UBE3C: variants seen among roughly 807,000 people sequenced by gnomAD.
The protein encoded by UBE3C is ubiquitin-protein ligase E3C.
UBE3C carries 42 observed loss-of-function variants against 129.4 expected under a neutral mutation model. That is an observed-to-expected ratio of 0.32 (90% CI 0.25 to 0.42). The LOEUF (loss-of-function observed/expected upper bound fraction) is 0.42. Among genes scored for constraint, UBE3C ranks in the 10% least tolerant of loss-of-function variants. The pLI is 1.00. For synonymous variants in UBE3C, 510 were observed against 492.4 expected, an observed-to-expected ratio of 1.04 and a Z score of -0.47; for missense variants, 1,049 against 1,319.1, an observed-to-expected ratio of 0.80 and a Z score of 3.17.
chr7:157,248,785 T>C (rs1459708578), intron 19 of UBE3C, among the ~76,000 whole-genome samples: 5 of 152,224 alleles, frequency 3.3e-5, no homozygotes, highest in Non-Finnish European at 7.4e-5. Flanking sequence ...CTCCCACGCA[T>C]GAAGCCTGTT....
At chr7:157,217,139 C>A in intron 14 of UBE3C, 168 bp downstream of exon 14, 1 of 522,962 alleles carries the variant, frequency 1.9e-6, no homozygotes, top group Non-Finnish European at 3.3e-6. Flanking sequence ...CTTAATGGAA[C>A]ATATAGCAGT....
At chr7:157,233,543 A>G (rs753713429) in intron 18 of UBE3C, among the ~76,000 whole-genome samples, 1 of 151,972 alleles carries the variant, frequency 6.6e-6, no homozygotes, top group Admixed American at 6.6e-5. Context: ...ACCTCTCAAA[A>G]GGCTAGAATT....
chr7:157,148,731 CTTTTT>C (rs58138213), intron 1 of UBE3C, among the ~76,000 whole-genome samples: 1 of 131,790 alleles, frequency 7.6e-6, no homozygotes, highest in Non-Finnish European at 1.6e-5. Context: ...CAAATTAGTT[CTTTTT>C]TTTTTTTTTT....
intron 22 of UBE3C, among the ~76,000 whole-genome samples, chr7:157,266,808 C>T (rs748229449): frequency 3.4e-4 from 52 of 152,250 alleles, no homozygotes; most frequent in African/African-American, 6.7e-4. Flanking sequence ...GTGATCATAC[C>T]TCACTAACCT....
intron 1 of UBE3C, among the ~76,000 whole-genome samples, chr7:157,143,731 C>T (rs897245767): frequency 6.6e-6 from 1 of 152,010 alleles, no homozygotes; most frequent in East Asian, 1.9e-4. Context: ...GGGGAGTGGT[C>T]GTTGACTGAA....
intron 4 of UBE3C, among the ~76,000 whole-genome samples, chr7:157,172,589 G>A (rs1168468768): frequency 6.6e-6 from 1 of 152,172 alleles, no homozygotes; most frequent in Non-Finnish European, 1.5e-5. Context: ...TGTAAACCGA[G>A]AACGTGCAGA....
intron 11 of UBE3C, among the ~76,000 whole-genome samples, chr7:157,202,270 C>T (rs6967764): frequency 0.48 from 72,287 of 152,096 alleles, 19,774 homozygotes; most frequent in African/African-American, 0.76. Flanking sequence ...CATATTTTAA[C>T]TGAGTATGTA....
At chr7:157,219,208 G>T (rs1341613876) in intron 14 of UBE3C, among the ~76,000 whole-genome samples, 1 of 152,200 alleles carries the variant, frequency 6.6e-6, no homozygotes, top group African/African-American at 2.4e-5. Flanking sequence ...GTCCCAGAAT[G>T]CAAATAGCTG....
In UBE3C at chr7:157,207,744, G is replaced by A; in HGVS notation, c.1618G>A (p.Glu540Lys). 6.2e-7 allele frequency: 1 copy of A among 1,614,062 alleles called. No homozygotes were observed. Among genetic ancestry groups the A allele is most frequent in the Non-Finnish European group, 8.5e-7 (1 of 1,180,004 alleles). ...ATCATCAATGATGCCTTTTACTTTA[G>A]AAGAGCTGATAATGTTGTCTCGATG... ...RQSSMMPFTL[E>K]ELIMLSRCLR... The change falls in exon 13 of 23, where the codon GAA becomes AAA. Residue 540 changes from glutamate (E) to lysine (K), a missense_variant. Glu to Lys is a moderately conservative substitution (Grantham distance 56). Coordinates refer to ENST00000348165, the MANE Select transcript of UBE3C (RefSeq NM_014671.3).
intron 10 of UBE3C, among the ~76,000 whole-genome samples, chr7:157,195,204 G>A (rs931139340): frequency 6.6e-6 from 1 of 152,174 alleles, no homozygotes; most frequent in African/African-American, 2.4e-5. Context: ...ATTAGAGACG[G>A]GATTTTCCAG....
chr7:157,239,550 G>A (rs1796242845), intron 18 of UBE3C, among the ~76,000 whole-genome samples: 1 of 152,156 alleles, frequency 6.6e-6, no homozygotes, highest in African/African-American at 2.4e-5. Context: ...TGGAACCACA[G>A]GCTTGTGATT....
rs149796654 is a variant in UBE3C at position 157,209,411 on chromosome 7, C to T, written c.1809+1476C>T. ...ATTTTAATTACCTATTTCTGTATTC[C>T]TAAGTAAACTGGGACGGTCACATGG... On this transcript the variant is annotated intron_variant, in intron 13 of 22. Transcript: ENST00000348165. 8.9e-4 allele frequency among the ~76,000 whole-genome samples: 135 copies of T among 152,220 alleles called. 1 individual carries two copies. The highest frequency in any genetic ancestry group is 3.2e-3 in the African/African-American group (132 of 41,534).
chr7:157,251,057 T>C (rs979099049), intron 19 of UBE3C, among the ~76,000 whole-genome samples: 1 of 152,166 alleles, frequency 6.6e-6, no homozygotes, highest in Non-Finnish European at 1.5e-5. Context: ...TTATAGATAA[T>C]GTATGAGAAT....
chr7:157,264,428 G>A (rs60373906), intron 22 of UBE3C, among the ~76,000 whole-genome samples: 1 of 107,996 alleles, frequency 9.3e-6, no homozygotes, highest in Non-Finnish European at 1.8e-5. Flanking sequence ...CACACACCTG[G>A]TACTACAGGT....
chr7:157,145,064 G>GT (rs1298132498), intron 1 of UBE3C, among the ~76,000 whole-genome samples: 4 of 152,110 alleles, frequency 2.6e-5, no homozygotes, highest in African/African-American at 7.2e-5. Flanking sequence ...GCAGTCAGGA[G>GT]TTTGAGACCA....
At chr7:157,165,596 G>C (rs1808192154) in intron 2 of UBE3C, among the ~76,000 whole-genome samples, 1 of 151,892 alleles carries the variant, frequency 6.6e-6, no homozygotes, top group Non-Finnish European at 1.5e-5. Context: ...ATGGGGTTTT[G>C]CCATGTTGGG....
At chr7:157,202,296 A>G (rs773803111) in intron 11 of UBE3C, among the ~76,000 whole-genome samples, 2 of 152,226 alleles carry the variant, frequency 1.3e-5, no homozygotes, top group African/African-American at 2.4e-5. Context: ...TAGGAATTTC[A>G]TACTTAAAAT....
chr7:157,169,029 T>G lies in UBE3C; in HGVS notation c.121-19T>G. The G allele has an allele frequency of 6.2e-7, 1 of 1,607,954 alleles. No individual in the cohort carries two copies. Among genetic ancestry groups the G allele is most frequent in the Non-Finnish European group, 8.5e-7 (1 of 1,174,802 alleles). On this transcript the variant is annotated intron_variant, in intron 2 of 22. Coordinates refer to ENST00000348165, the MANE Select transcript of UBE3C (RefSeq NM_014671.3). Reference sequence around the variant, plus strand: ...GGATTCTGACCAATTGCTCCCTCACTCCTCCTTTTATTGTTTAGGAAGAAA... The same window carrying G: ...GGATTCTGACCAATTGCTCCCTCACGCCTCCTTTTATTGTTTAGGAAGAAA...
In UBE3C at chr7:157,184,049, T is replaced by G. The variant is rs1451074117; in HGVS notation, c.1143+20T>G. 6.2e-6 allele frequency: 10 copies of G among 1,609,724 alleles called. No individual in the cohort carries two copies. The Admixed American group carries it at 1.7e-4, about 27-fold the overall frequency. ...AGCCCGGTAAGCCCCGTGCCCTGCA[T>G]CTGGGGGGCTGCGATGCAGGCAGCC... On this transcript the variant is annotated intron_variant, in intron 9 of 22. Coordinates refer to ENST00000348165, the MANE Select transcript of UBE3C (RefSeq NM_014671.3).
Sources: allele counts gnomAD v4.1 joint callset (sites outside exome capture counted in the v4.1 genomes callset), GRCh38; gene constraint gnomAD v4.1.1; transcripts MANE v1.5; gene names NCBI Gene and HGNC (gene_info 2026-07-23, HGNC 2026-07-21).